Variants in NCKAP5 observed in about 807,000 individuals in gnomAD.
NCKAP5 encodes the protein nck-associated protein 5.
NCKAP5 carries 92 observed loss-of-function variants against 167.0 expected under a neutral mutation model. The observed-to-expected ratio is 0.55, with a 90% CI of 0.47 to 0.66. The LOEUF (loss-of-function observed/expected upper bound fraction) is 0.66, where lower values mean the gene tolerates loss of function less well. Ranked by LOEUF, NCKAP5 falls within the 30% of genes least tolerant of loss-of-function variation. The probability of loss-of-function intolerance (pLI) is 0.00; values close to 1 mark genes in which losing one functional copy is unlikely to be tolerated. For missense variants in NCKAP5, 2,378 were observed against 2,315.0 expected (o/e 1.03, Z -0.56); for synonymous variants, 891 against 877.4 (o/e 1.02, Z -0.27).
intron 2 of NCKAP5, among the ~76,000 whole-genome samples, chr2:133,520,284 T>A (rs1684364807): frequency 6.6e-6 from 1 of 152,100 alleles, no homozygotes; most frequent in African/African-American, 2.4e-5. Context: ...AAGTCCTGAG[T>A]TACAGGCAAA....
chr2:133,185,831 G>A (rs1489373900), intron 5 of NCKAP5, among the ~76,000 whole-genome samples: 1 of 152,090 alleles, frequency 6.6e-6, no homozygotes, highest in African/African-American at 2.4e-5. Context: ...CTCTATTGAT[G>A]TAATTTATCA....
chr2:133,079,929 T>C lies in NCKAP5; in HGVS notation c.341+50049A>G, dbSNP rs114284684. ...CCATTGTTGAAGACAAGATTTGTTA[T>C]TCATTTATCTTTCTCGCAAACACTA... On this transcript the variant is annotated intron_variant, in intron 6 of 19. Transcript: ENST00000409261. Among the ~76,000 whole-genome samples the C allele has an allele frequency of 4.6e-3, 701 of 152,272 alleles. 5 individuals are homozygous for C. The highest frequency in any genetic ancestry group is 0.016 in the African/African-American group (682 of 41,562).
chr2:132,909,017 A>G (rs1007151063), intron 8 of NCKAP5, among the ~76,000 whole-genome samples: 1 of 152,206 alleles, frequency 6.6e-6, no homozygotes, highest in South Asian at 2.1e-4. Context: ...ACTTATGGCA[A>G]TCTCACGGTA....
chr2:132,867,714 A>G (rs1303611289), intron 10 of NCKAP5, among the ~76,000 whole-genome samples: 1 of 152,158 alleles, frequency 6.6e-6, no homozygotes, highest in Admixed American at 6.5e-5. Context: ...AAATACAGAG[A>G]TGGAAGCTAG....
At chr2:133,472,717 A>G (rs772141941) in intron 3 of NCKAP5, among the ~76,000 whole-genome samples, 6 of 152,152 alleles carry the variant, frequency 3.9e-5, no homozygotes, top group Non-Finnish European at 7.3e-5. Context: ...ACTAAACAAT[A>G]ACTTCTCCTA....
chr2:133,561,912 T>C (rs188355560), intron 1 of NCKAP5, among the ~76,000 whole-genome samples: 12 of 152,004 alleles, frequency 7.9e-5, no homozygotes, highest in Admixed American at 5.9e-4. Flanking sequence ...TAGGAAAAAA[T>C]GTTAACATAA....
At chr2:133,039,226 T>A (rs1433968706) in intron 6 of NCKAP5, among the ~76,000 whole-genome samples, 1 of 152,322 alleles carries the variant, frequency 6.6e-6, no homozygotes, top group East Asian at 1.9e-4. Context: ...TCACCTTGAC[T>A]TCTAGGTAAT....
chr2:132,703,670 G>A (rs1042242680), intron 19 of NCKAP5, among the ~76,000 whole-genome samples: 28 of 152,206 alleles, frequency 1.8e-4, no homozygotes, highest in African/African-American at 6.7e-4. Flanking sequence ...CATGACCAAC[G>A]GACTGAATTA....
At chr2:133,072,348 G>A (rs2080443043) in intron 6 of NCKAP5, among the ~76,000 whole-genome samples, 1 of 151,988 alleles carries the variant, frequency 6.6e-6, no homozygotes, top group African/African-American at 2.4e-5. Context: ...TTCCCTCTCT[G>A]CCCTCCCTTC....
intron 6 of NCKAP5, among the ~76,000 whole-genome samples, chr2:133,017,776 A>C (rs1435536118): frequency 6.7e-6 from 1 of 150,192 alleles, no homozygotes. Context: ...ACATGAAAGC[A>C]GTAACACAAA....
At chr2:133,619,297 A>G in the NCKAP5 span, among the ~76,000 whole-genome samples, 2 of 151,584 alleles carry the variant, frequency 1.3e-5, no homozygotes, top group Non-Finnish European at 2.9e-5. Flanking sequence ...CTAAACTTAA[A>G]GTATAATAAT....
chr2:133,134,165 C>T (rs970364593), intron 5 of NCKAP5, among the ~76,000 whole-genome samples: 10 of 152,172 alleles, frequency 6.6e-5, no homozygotes, highest in Admixed American at 2.0e-4. Flanking sequence ...GCATTACGAG[C>T]CACAACCATC....
chr2:133,111,536 C>G (rs1484911667), intron 6 of NCKAP5, among the ~76,000 whole-genome samples: 1 of 152,154 alleles, frequency 6.6e-6, no homozygotes, highest in African/African-American at 2.4e-5. Flanking sequence ...GGGATCAGAG[C>G]CTTCCTGATG....
intron 5 of NCKAP5, among the ~76,000 whole-genome samples, chr2:133,166,898 G>A (rs1041591218): frequency 3.3e-5 from 5 of 152,000 alleles, no homozygotes; most frequent in Non-Finnish European, 7.4e-5. Flanking sequence ...CAGATCTCCC[G>A]TCTGAGCTGG....
At chr2:132,772,882 C>T (rs1171383802) in intron 16 of NCKAP5, among the ~76,000 whole-genome samples, 1 of 152,108 alleles carries the variant, frequency 6.6e-6, no homozygotes, top group Non-Finnish European at 1.5e-5. Flanking sequence ...CAACATGGCG[C>T]CGAATAGTGG....
intron 4 of NCKAP5, among the ~76,000 whole-genome samples, chr2:133,273,012 A>T (rs1284880402): frequency 6.6e-6 from 1 of 152,172 alleles, no homozygotes; most frequent in Non-Finnish European, 1.5e-5. Context: ...TTTTGTAAAC[A>T]TTCATGTACA....
chr2:133,099,867 T>C (rs771658119), intron 6 of NCKAP5, among the ~76,000 whole-genome samples: 1 of 152,214 alleles, frequency 6.6e-6, no homozygotes, highest in African/African-American at 2.4e-5. Flanking sequence ...CACATAAAGT[T>C]AAGCTGAAAT....
At chr2:133,507,526 G>T (rs953024644) in intron 3 of NCKAP5, among the ~76,000 whole-genome samples, 2 of 152,190 alleles carry the variant, frequency 1.3e-5, no homozygotes, top group African/African-American at 4.8e-5. Flanking sequence ...TTATGAGGAA[G>T]AAACATCTGG....
At chr2:133,292,091 T>C (rs1409459840) in intron 4 of NCKAP5, among the ~76,000 whole-genome samples, 3 of 151,996 alleles carry the variant, frequency 2.0e-5, no homozygotes, top group African/African-American at 7.3e-5. Flanking sequence ...TGGGATGGGG[T>C]TGGGGGACAG....
Sources: allele counts gnomAD v4.1 joint callset (sites outside exome capture counted in the v4.1 genomes callset), GRCh38; gene constraint gnomAD v4.1.1; transcripts MANE v1.5; gene names NCBI Gene and HGNC (gene_info 2026-07-23, HGNC 2026-07-21).